NUDT9: variants seen among roughly 807,000 people sequenced by gnomAD.
NUDT9 encodes ADP-ribose pyrophosphatase.
NUDT9 carries 31 observed loss-of-function variants against 41.0 expected under a neutral mutation model. The observed-to-expected ratio is 0.76, with a 90% CI of 0.57 to 1.02. The LOEUF (loss-of-function observed/expected upper bound fraction) is 1.02, where lower values mean the gene tolerates loss of function less well. NUDT9 is among the 50% of genes least tolerant of loss of function. The pLI is 0.00. For missense variants in NUDT9, 380 were observed against 431.4 expected (o/e 0.88, Z 1.06); for synonymous variants, 146 against 147.6 (o/e 0.99, Z 0.08).
intron 3 of NUDT9, among the ~76,000 whole-genome samples, chr4:87,441,402 T>C (rs1722195425): frequency 6.6e-6 from 1 of 152,110 alleles, no homozygotes; most frequent in Non-Finnish European, 1.5e-5. Flanking sequence ...CCAGAAACCA[T>C]TGAGGAAAAA....
chr4:87,441,172 A>G (rs1168814558), intron 3 of NUDT9, among the ~76,000 whole-genome samples: 1 of 152,218 alleles, frequency 6.6e-6, no homozygotes, highest in Non-Finnish European at 1.5e-5. Context: ...TTAGTAGTAC[A>G]TAATGAAAGT....
intron 4 of NUDT9, 101 bp downstream of exon 4, chr4:87,442,016 T>C (rs954834892): frequency 5.4e-6 from 4 of 735,322 alleles, no homozygotes; most frequent in Non-Finnish European, 4.5e-6. Context: ...TGTGTGTATA[T>C]ACATATGTAT....
chr4:87,444,607 T>C (rs549771709), intron 4 of NUDT9, among the ~76,000 whole-genome samples: 1 of 152,188 alleles, frequency 6.6e-6, no homozygotes, highest in Admixed American at 6.5e-5. Flanking sequence ...CAGGAAGGTA[T>C]GAAATGTTTG....
At chr4:87,431,612 G>C (rs184654140) in intron 1 of NUDT9, among the ~76,000 whole-genome samples, 1 of 152,266 alleles carries the variant, frequency 6.6e-6, no homozygotes, top group East Asian at 1.9e-4. Context: ...CAGTGTATAA[G>C]AGTTTTGCTT....
rs966767960 is a variant in NUDT9, at chr4:87,458,453, C to T, written c.*432C>T. On this transcript the variant is annotated 3_prime_UTR_variant, in exon 8 of 8. Transcript: ENST00000302174. ...ACATCAAACTCCTTTAGGCAGAGTA[C>T]CGCCACTGGATGTATAGTTTAATGT... The T allele has an allele frequency of 2.0e-5, 3 of 153,422 alleles. No homozygotes were observed. The highest frequency in any genetic ancestry group is 7.2e-5 in the African/African-American group (3 of 41,500). The allele number at this position is 153,422 out of a possible 1,614,324, so 9.5% of individuals were successfully genotyped here. A position where few individuals can be genotyped will look rare whatever the true frequency, so the allele number is the denominator to read the frequency against.
chr4:87,454,332 C>T (rs1578081593), intron 6 of NUDT9, 39 bp from the exon 7 acceptor site: 1 of 1,183,996 alleles, frequency 8.4e-7, no homozygotes. Flanking sequence ...ACTCACTACA[C>T]CTTGGACTTT....
At chr4:87,430,264 A>G (rs1721624978) in intron 1 of NUDT9, among the ~76,000 whole-genome samples, 1 of 152,228 alleles carries the variant, frequency 6.6e-6, no homozygotes, top group Non-Finnish European at 1.5e-5. Flanking sequence ...TTGAGCCTCC[A>G]GAGAGGAATG....
rs1722049224 is a variant in NUDT9 at position 87,438,346 on chromosome 4, G to A, written c.417G>A (p.Leu139=). 1.2e-6 allele frequency: 2 copies of A among 1,609,552 alleles called. No homozygotes were observed. The highest frequency in any genetic ancestry group is 1.7e-6 in the Non-Finnish European group (2 of 1,176,308). Residue 139 remains leucine (L), a synonymous_variant, in exon 3 of 8, where the codon CTG becomes CTA. Coordinates refer to ENST00000302174, the MANE Select transcript of NUDT9 (RefSeq NM_024047.5). The stretch of plus-strand genomic sequence containing the variant: ...TTGAGAGAAAGAGCAAGAATGGCCT[G>A]TATGAGATTGAAAATGGAAGACCGA... ...GHVERKSKNG[L]YEIENGRPRN... is the part of the protein sequence containing the mutation.
chr4:87,453,481 G>A (rs1722844881), intron 6 of NUDT9, among the ~76,000 whole-genome samples: 1 of 152,136 alleles, frequency 6.6e-6, no homozygotes, highest in African/African-American at 2.4e-5. Flanking sequence ...CCAGGCTGGA[G>A]TGCAGTGATG....
chr4:87,428,857 C>T (rs1418585927), intron 1 of NUDT9, among the ~76,000 whole-genome samples: 4 of 152,158 alleles, frequency 2.6e-5, no homozygotes, highest in African/African-American at 4.8e-5. Context: ...CACAGAGCCA[C>T]GGAGCCATAC....
In NUDT9 at chr4:87,455,464, C is replaced by T. The variant is rs545782362; in HGVS notation, c.874+1009C>T. Among the ~76,000 whole-genome samples, 4 of 152,174 alleles carry T rather than the reference C, an allele frequency of 2.6e-5. No individual in the cohort carries two copies. The South Asian group carries it at 8.3e-4, about 32-fold the overall frequency. On this transcript the variant is annotated intron_variant, in intron 7 of 7. Coordinates refer to ENST00000302174, the MANE Select transcript of NUDT9 (RefSeq NM_024047.5). ...GAGTTAAAAACAATGACTGATCCTC[C>T]AGAAGTTGATTATAGAGTTTATGGA...
intron 1 of NUDT9, among the ~76,000 whole-genome samples, chr4:87,431,210 G>A (rs1286154251): frequency 6.6e-6 from 1 of 152,140 alleles, no homozygotes; most frequent in East Asian, 1.9e-4. Flanking sequence ...CCCTTTCCCT[G>A]TTGAAATGGT....
chr4:87,438,493 G>A (rs1722056508), intron 3 of NUDT9, 121 bp downstream of exon 3: 2 of 540,600 alleles, frequency 3.7e-6, no homozygotes, highest in African/African-American at 1.9e-5. Context: ...CATATGTGAT[G>A]TAATTAAATC....
At chr4:87,431,813 G>A (rs905518616) in intron 1 of NUDT9, among the ~76,000 whole-genome samples, 1 of 152,132 alleles carries the variant, frequency 6.6e-6, no homozygotes, top group Non-Finnish European at 1.5e-5. Context: ...AGCTTCTCGA[G>A]TAGCTGGGAT....
intron 6 of NUDT9, 66 bp downstream of exon 6, chr4:87,451,801 C>A: frequency 7.2e-7 from 1 of 1,391,706 alleles, no homozygotes; most frequent in Non-Finnish European, 9.9e-7. Flanking sequence ...TAAAAGTTGA[C>A]CTGGAAATCT....
rs141228147 is a variant in NUDT9 at position 87,435,021 on chromosome 4, G to C, written c.148G>C (p.Val50Leu). The change falls in exon 2 of 8, where the codon GTC becomes CTC. Residue 50 changes from valine to leucine, a missense_variant. Physicochemically the swap from Val to Leu is conservative, Grantham distance 32 (BLOSUM62 1). Transcript: ENST00000302174. ...TTCTTGGTTTCATCTTAATACCAAC[G>C]TCATGTCTGGTTCTAATGGTTCCAA... is the stretch of plus-strand genomic sequence containing the variant. The part of the protein sequence containing the change: ...SSSWFHLNTN[V>L]MSGSNGSKEN... 578 of 1,613,698 alleles carry C rather than the reference G, an allele frequency of 3.6e-4. No homozygotes were observed. The Middle Eastern group carries it at 7.4e-3, about 21-fold the overall frequency.
At chr4:87,435,668 T>TG (rs1373262989) in intron 2 of NUDT9, among the ~76,000 whole-genome samples, 1 of 152,102 alleles carries the variant, frequency 6.6e-6, no homozygotes, top group Admixed American at 6.6e-5. Flanking sequence ...TAAACCAGTG[T>TG]GAAAAAATAG....
chr4:87,454,574 G>C (rs1015911017), intron 7 of NUDT9, 119 bp downstream of exon 7: 2 of 656,516 alleles, frequency 3.0e-6, no homozygotes, highest in African/African-American at 3.6e-5. Flanking sequence ...GTTGATTGTA[G>C]GACTGTAGTT....
At chr4:87,439,027 C>T (rs1048403891) in intron 3 of NUDT9, among the ~76,000 whole-genome samples, 3 of 151,962 alleles carry the variant, frequency 2.0e-5, no homozygotes, top group East Asian at 1.9e-4. Context: ...TTTAGCCAGG[C>T]GTGGTGGCGG....
Sources: allele counts gnomAD v4.1 joint callset (sites outside exome capture counted in the v4.1 genomes callset), GRCh38; gene constraint gnomAD v4.1.1; transcripts MANE v1.5; gene names NCBI Gene and HGNC (gene_info 2026-07-23, HGNC 2026-07-21).